The following EPB41L4A variants were observed in gnomAD, a reference collection of about 807,000 sequenced individuals.
The protein encoded by EPB41L4A is erythrocyte membrane protein band 4.1 like 4A.
EPB41L4A carries 100 observed loss-of-function variants against 108.6 expected under a neutral mutation model. The ratio of observed to expected loss-of-function variants is 0.92; its 90% confidence interval spans 0.78 to 1.09. The LOEUF (loss-of-function observed/expected upper bound fraction) is 1.09. Among genes scored for constraint, EPB41L4A ranks in the 50% least tolerant of loss-of-function variants. The pLI, the probability that EPB41L4A is intolerant of heterozygous loss-of-function variation, is 0.00. For synonymous variants in EPB41L4A, 319 were observed against 289.0 expected (o/e 1.10, Z -1.05); for missense variants, 1,030 against 842.7 (o/e 1.22, Z -2.75).
chr5:112,317,805 CA>C (rs1185341961), intron 1 of EPB41L4A, among the ~76,000 whole-genome samples: 1 of 152,104 alleles, frequency 6.6e-6, no homozygotes, highest in Non-Finnish European at 1.5e-5. Context: ...TTTTTGTTGA[CA>C]AGTAATTTTT....
chr5:112,287,717 T>A lies in EPB41L4A; in HGVS notation c.205-7394A>T, dbSNP rs561274662. ...GTAGCAAGAAGGACCTTAAGGAGAGTATTGGTAGAAGCCTGAGGGCTTGCA... is the reference window on the plus strand; with the variant it reads ...GTAGCAAGAAGGACCTTAAGGAGAGAATTGGTAGAAGCCTGAGGGCTTGCA... On this transcript the variant is annotated intron_variant, in intron 2 of 22. Transcript: ENST00000261486. Among the ~76,000 whole-genome samples, 14 of 151,966 alleles carry A rather than the reference T, an allele frequency of 9.2e-5. No individual in the cohort carries two copies. In the South Asian group the frequency reaches 2.9e-3, roughly 31 times the overall value.
intron 1 of EPB41L4A, among the ~76,000 whole-genome samples, chr5:112,394,159 A>T (rs1284840040): frequency 6.6e-6 from 1 of 152,212 alleles, no homozygotes; most frequent in African/African-American, 2.4e-5. Flanking sequence ...AACTGGAAGC[A>T]TTCCCTTTGA....
At chr5:112,367,684 C>T (rs994630456) in intron 1 of EPB41L4A, among the ~76,000 whole-genome samples, 3 of 152,192 alleles carry the variant, frequency 2.0e-5, no homozygotes, top group Admixed American at 6.5e-5. Context: ...ACATGCTGTG[C>T]GCAAACGCCT....
chr5:112,247,706 T>G (rs935017444), intron 9 of EPB41L4A, among the ~76,000 whole-genome samples: 3 of 151,984 alleles, frequency 2.0e-5, no homozygotes, highest in Admixed American at 1.3e-4. Flanking sequence ...GAATTGGGGG[T>G]TTGAGTCAGG....
intron 17 of EPB41L4A, among the ~76,000 whole-genome samples, chr5:112,185,713 T>C (rs1761394202): frequency 6.6e-6 from 1 of 152,206 alleles, no homozygotes; most frequent in African/African-American, 2.4e-5. Flanking sequence ...ATTGAACATA[T>C]ACTGCTATGG....
At chr5:112,147,109 T>A (rs1759287619) in intron 12 of EPB41L4A, among the ~76,000 whole-genome samples, 1 of 152,190 alleles carries the variant, frequency 6.6e-6, no homozygotes, top group Non-Finnish European at 1.5e-5. Flanking sequence ...GTGCTTGGCT[T>A]GTACTGCCAC....
intron 1 of EPB41L4A, among the ~76,000 whole-genome samples, chr5:112,388,994 C>G (rs980542946): frequency 4.2e-4 from 64 of 152,032 alleles, no homozygotes; most frequent in African/African-American, 1.4e-3. Flanking sequence ...GCAGTTGGTT[C>G]TTAAATTAAT....
At chr5:112,370,064 A>G (rs76537705) in intron 1 of EPB41L4A, among the ~76,000 whole-genome samples, 5,237 of 152,022 alleles carry the variant, frequency 0.034, 153 homozygotes, top group African/African-American at 0.079. Flanking sequence ...TTACTTTGTC[A>G]CCCGGGCTAA....
In EPB41L4A at chr5:112,195,561, T is replaced by C. The variant is rs180945697; in HGVS notation, c.1424+100A>G. On this transcript the variant is annotated intron_variant, in intron 16 of 22. Coordinates refer to ENST00000261486, the MANE Select transcript of EPB41L4A (RefSeq NM_022140.5). Reference sequence around the variant, plus strand: ...AACTGGCTTTTGAAAGTAAAAAAAATAAAAAAAAATAATGCCCCCGCTCTT... The same window carrying C: ...AACTGGCTTTTGAAAGTAAAAAAAACAAAAAAAAATAATGCCCCCGCTCTT... 8.3e-5 allele frequency: 82 copies of C among 993,910 alleles called. No homozygotes were observed. In the Admixed American group the frequency reaches 2.0e-3, roughly 25 times the overall value. The allele number at this position is 993,910 out of a possible 1,614,324, so 61.6% of individuals were successfully genotyped here.
chr5:112,173,990 T>C (rs1002850199), intron 18 of EPB41L4A, among the ~76,000 whole-genome samples: 6 of 152,222 alleles, frequency 3.9e-5, no homozygotes, highest in African/African-American at 1.4e-4. Context: ...CTTCTAGCCA[T>C]TAACATTGGT....
intron 1 of EPB41L4A, among the ~76,000 whole-genome samples, chr5:112,375,722 G>C (rs542083100): frequency 4.5e-4 from 68 of 150,142 alleles, no homozygotes; most frequent in African/African-American, 1.6e-3. Flanking sequence ...TGAAGGTTGG[G>C]AAGTTTGTTT....
In EPB41L4A at chr5:112,325,227, G is replaced by A. The variant is rs1015861325; in HGVS notation, c.100-17737C>T. Among the ~76,000 whole-genome samples, 3 of 152,054 alleles carry A rather than the reference G, an allele frequency of 2.0e-5. No homozygotes were observed. In the South Asian group the frequency reaches 6.2e-4, roughly 32 times the overall value. ...GAAGCTGAGGCGGGCAGATCACGAG[G>A]TCAGGAGATCAGGACCATCCTGGCT... On this transcript the variant is annotated intron_variant, in intron 1 of 22. Coordinates refer to ENST00000261486, the MANE Select transcript of EPB41L4A (RefSeq NM_022140.5).
chr5:112,334,959 C>T (rs1324784206), intron 1 of EPB41L4A, among the ~76,000 whole-genome samples: 1 of 152,180 alleles, frequency 6.6e-6, no homozygotes, highest in Admixed American at 6.5e-5. Context: ...GAGAACACAA[C>T]TTTAGGAAAT....
chr5:112,288,542 C>T (rs532169054), intron 2 of EPB41L4A, among the ~76,000 whole-genome samples: 2 of 152,196 alleles, frequency 1.3e-5, no homozygotes, highest in African/African-American at 4.8e-5. Flanking sequence ...AACTCCTAGG[C>T]AATAGGACCA....
chr5:112,291,807 C>T (rs1161798252), intron 2 of EPB41L4A, among the ~76,000 whole-genome samples: 1 of 152,194 alleles, frequency 6.6e-6, no homozygotes. Flanking sequence ...AAGTTCCATG[C>T]CCCGTTCCCC....
chr5:112,295,880 A>G (rs945222851), intron 2 of EPB41L4A, among the ~76,000 whole-genome samples: 3 of 152,228 alleles, frequency 2.0e-5, no homozygotes, highest in African/African-American at 7.2e-5. Context: ...TTCCTTAAGA[A>G]TAAGACAAAT....
At chr5:112,186,563 TCCAC>T (rs1262527087) in intron 17 of EPB41L4A, among the ~76,000 whole-genome samples, 3 of 152,184 alleles carry the variant, frequency 2.0e-5, no homozygotes, top group Non-Finnish European at 4.4e-5. Flanking sequence ...ATCCTTGTGA[TCCAC>T]ATGTTTCAAA....
intron 1 of EPB41L4A, among the ~76,000 whole-genome samples, chr5:112,383,605 G>C (rs1177362704): frequency 6.6e-6 from 1 of 152,108 alleles, no homozygotes; most frequent in Non-Finnish European, 1.5e-5. Context: ...GGACACAAGG[G>C]AACTACTAAT....
At chr5:112,306,804 A>G (rs1241512272) in intron 2 of EPB41L4A, among the ~76,000 whole-genome samples, 1 of 149,758 alleles carries the variant, frequency 6.7e-6, no homozygotes, top group East Asian at 1.9e-4. Context: ...GTAACTCTCT[A>G]CTCCGGACTG....
Sources: gnomAD v4.1 joint callset for allele counts (sites outside exome capture counted in the v4.1 genomes callset) on GRCh38, gnomAD v4.1.1 for gene constraint, MANE v1.5 for transcripts, NCBI Gene and HGNC (gene_info 2026-07-23, HGNC 2026-07-21) for gene names.